The following PTCHD4 variants were observed in gnomAD, a reference collection of about 807,000 sequenced individuals.
PTCHD4 encodes patched domain-containing protein 4.
In PTCHD4, 33 loss-of-function variants were observed where a neutral mutation model predicts 58.1. The observed-to-expected ratio is 0.57, with a 90% CI of 0.43 to 0.76. The LOEUF (loss-of-function observed/expected upper bound fraction) is 0.76, where lower values mean the gene tolerates loss of function less well. PTCHD4 is among the 30% of genes least tolerant of loss of function. The probability of loss-of-function intolerance (pLI) is 0.00; values close to 1 mark genes in which losing one functional copy is unlikely to be tolerated. For missense variants in PTCHD4, 1,058 were observed against 1,027.1 expected (o/e 1.03, Z -0.41); for synonymous variants, 478 against 409.6 (o/e 1.17, Z -2.02).
intron 3 of PTCHD4, among the ~76,000 whole-genome samples, chr6:48,040,220 G>C (rs1214635890): frequency 6.6e-6 from 1 of 152,010 alleles, no homozygotes; most frequent in Admixed American, 6.6e-5. Context: ...ATCCAAGGAG[G>C]CTGATTTCCC....
Position 47,859,790 on chromosome 6 carries a change from T to G in PTCHD4, c.*18513A>C, listed in dbSNP as rs886956177. ...CTCTCTAATGCATACTTATTTAATA[T>G]TTAAGAAGAAACCAAAAAGATGTGA... On this transcript the variant is annotated 3_prime_UTR_variant, in exon 5 of 5. Transcript: ENST00000339488. Among the ~76,000 whole-genome samples the G allele has an allele frequency of 1.3e-5, 2 of 152,010 alleles. No individual in the cohort carries two copies. Among genetic ancestry groups the G allele is most frequent in the Non-Finnish European group, 2.9e-5 (2 of 67,976 alleles).
intron 1 of PTCHD4, among the ~76,000 whole-genome samples, chr6:48,073,989 A>G (rs952886396): frequency 1.3e-5 from 2 of 151,510 alleles, no homozygotes; most frequent in Admixed American, 1.3e-4. Context: ...CTATCATCTG[A>G]CCCCCTTTTG....
intron 4 of PTCHD4, among the ~76,000 whole-genome samples, chr6:47,931,441 T>A (rs1426179447): frequency 6.6e-6 from 1 of 152,088 alleles, no homozygotes; most frequent in Non-Finnish European, 1.5e-5. Context: ...TGAACGCACA[T>A]CAAAAGCCAA....
At chr6:47,935,463 A>G (rs997932313) in intron 4 of PTCHD4, among the ~76,000 whole-genome samples, 1 of 152,190 alleles carries the variant, frequency 6.6e-6, no homozygotes, top group Non-Finnish European at 1.5e-5. Context: ...GCTTTCTGCC[A>G]GTTCTCCTTT....
intron 1 of PTCHD4, among the ~76,000 whole-genome samples, chr6:48,079,117 C>CAAAAAA (rs398001467): frequency 5.5e-5 from 4 of 73,138 alleles, no homozygotes; most frequent in African/African-American, 9.5e-5. Context: ...AATTCCATCA[C>CAAAAAA]AAAAAAAAAA....
chr6:48,078,188 T>C (rs1765095189), intron 1 of PTCHD4, among the ~76,000 whole-genome samples: 1 of 152,210 alleles, frequency 6.6e-6, no homozygotes, highest in Non-Finnish European at 1.5e-5. Context: ...GGGATTCCTT[T>C]GCTAGGTTTG....
intron 3 of PTCHD4, among the ~76,000 whole-genome samples, chr6:48,013,342 C>T (rs994903272): frequency 6.7e-6 from 1 of 149,764 alleles, no homozygotes; most frequent in Non-Finnish European, 1.5e-5. Flanking sequence ...GTTACTAACT[C>T]TAAAGGAACA....
At chr6:47,969,801 AC>A (rs1767433794) in intron 4 of PTCHD4, among the ~76,000 whole-genome samples, 1 of 152,160 alleles carries the variant, frequency 6.6e-6, no homozygotes, top group South Asian at 2.1e-4. Context: ...TACAATTTAG[AC>A]TCCAGTCTTT....
In PTCHD4 at chr6:47,876,501, T is replaced by C. The variant is rs1007485029; in HGVS notation, c.*1802A>G. On this transcript the variant is annotated 3_prime_UTR_variant, in exon 5 of 5. Coordinates refer to ENST00000339488, the MANE Select transcript of PTCHD4 (RefSeq NM_001384253.1). ...GTCTAAGTATACTTGTTTTGTTACTTCATTAGTCTATCAACTTCATTTCCA... is the reference window on the plus strand; with the variant it reads ...GTCTAAGTATACTTGTTTTGTTACTCCATTAGTCTATCAACTTCATTTCCA... Among the ~76,000 whole-genome samples, 1 of 151,988 alleles carries C rather than the reference T, an allele frequency of 6.6e-6. No homozygotes were observed. Among genetic ancestry groups the C allele is most frequent in the Non-Finnish European group, 1.5e-5 (1 of 67,956 alleles).
chr6:47,858,638 C>T lies in PTCHD4; in HGVS notation c.*19665G>A, dbSNP rs1341712936. Among the ~76,000 whole-genome samples, 1 of 151,924 alleles carries T rather than the reference C, an allele frequency of 6.6e-6. No individual in the cohort carries two copies. The highest frequency in any genetic ancestry group is 1.9e-4 in the East Asian group (1 of 5,160). On this transcript the variant is annotated 3_prime_UTR_variant, in exon 5 of 5. Transcript: ENST00000339488. ...AATAAGGATAAACTAAGGCATAAAACAAAGAGCAATAAGAAATCTGAACAC... is the reference window on the plus strand; with the variant it reads ...AATAAGGATAAACTAAGGCATAAAATAAAGAGCAATAAGAAATCTGAACAC...
At chr6:48,005,249 A>G (rs1582005887) in intron 4 of PTCHD4, among the ~76,000 whole-genome samples, 1 of 152,330 alleles carries the variant, frequency 6.6e-6, no homozygotes, top group East Asian at 1.9e-4. Context: ...AGTGTGAGGA[A>G]CAAACAGTAT....
In PTCHD4 at chr6:47,862,407, T is replaced by G. The variant is rs1317775790; in HGVS notation, c.*15896A>C. On this transcript the variant is annotated 3_prime_UTR_variant, in exon 5 of 5. Coordinates refer to ENST00000339488, the MANE Select transcript of PTCHD4 (RefSeq NM_001384253.1). Reference sequence around the variant, plus strand: ...TCTCCAAGAAATAACCTTCCTGAAGTCTTTTATTCAAGATCAAAATTTTTC... The same window carrying G: ...TCTCCAAGAAATAACCTTCCTGAAGGCTTTTATTCAAGATCAAAATTTTTC... 1.3e-5 allele frequency among the ~76,000 whole-genome samples: 2 copies of G among 151,836 alleles called. No individual in the cohort carries two copies. Among genetic ancestry groups the G allele is most frequent in the Non-Finnish European group, 2.9e-5 (2 of 67,852 alleles).
chr6:47,953,083 T>TGAC (rs541672104), intron 4 of PTCHD4, among the ~76,000 whole-genome samples: 913 of 32,616 alleles, frequency 0.028, 17 homozygotes, highest in African/African-American at 0.085. Flanking sequence ...ATGAGGATGA[T>TGAC]GATGATGATG....
intron 4 of PTCHD4, among the ~76,000 whole-genome samples, chr6:47,882,875 A>G (rs1341783565): frequency 6.6e-6 from 1 of 151,152 alleles, no homozygotes; most frequent in African/African-American, 2.4e-5. Context: ...TGGATTGCAA[A>G]TTCTTCATGG....
At chr6:48,108,251 C>G (rs1233466851) in intron 1 of PTCHD4, among the ~76,000 whole-genome samples, 1 of 152,118 alleles carries the variant, frequency 6.6e-6, no homozygotes, top group African/African-American at 2.4e-5. Context: ...CACATATACA[C>G]CATGGAATAC....
rs766669954 is a variant in PTCHD4, at chr6:47,873,850, TTTTG to T, written c.*4449_*4452del. On this transcript the variant is annotated 3_prime_UTR_variant, in exon 5 of 5. Transcript: ENST00000339488. ...GTAATTGAGAAAAAGCTAAAACTTT[TTTTG>T]TTTGTTTTTTGTTTGTAAAGGGAAG... Among the ~76,000 whole-genome samples the T allele has an allele frequency of 2.0e-5, 3 of 151,730 alleles. No individual in the cohort carries two copies. Among genetic ancestry groups the T allele is most frequent in the Non-Finnish European group, 4.4e-5 (3 of 67,782 alleles).
rs1466369098 is a variant in PTCHD4, at chr6:47,861,220, T to C, written c.*17083A>G. ...TTAGGCCATCCTTCTAAATATGTCT[T>C]AGTCATTGCTGTGCTAAATAGAAGA... On this transcript the variant is annotated 3_prime_UTR_variant, in exon 5 of 5. Transcript: ENST00000339488. Among the ~76,000 whole-genome samples, 1 of 151,976 alleles carries C rather than the reference T, an allele frequency of 6.6e-6. No homozygotes were observed. Among genetic ancestry groups the C allele is most frequent in the Non-Finnish European group, 1.5e-5 (1 of 67,930 alleles).
At chr6:48,091,210 C>T (rs1765360096) in intron 1 of PTCHD4, among the ~76,000 whole-genome samples, 1 of 151,702 alleles carries the variant, frequency 6.6e-6, no homozygotes, top group South Asian at 2.1e-4. Flanking sequence ...GGCTTTTACT[C>T]TTCTTAACCT....
At chr6:48,041,193 A>C (rs1385708534) in intron 3 of PTCHD4, among the ~76,000 whole-genome samples, 2 of 152,030 alleles carry the variant, frequency 1.3e-5, no homozygotes, top group Non-Finnish European at 2.9e-5. Flanking sequence ...GTGGACCTCC[A>C]CCCAGGTGAG....
Sources: gnomAD v4.1 joint callset for allele counts (sites outside exome capture counted in the v4.1 genomes callset) on GRCh38, gnomAD v4.1.1 for gene constraint, MANE v1.5 for transcripts, NCBI Gene and HGNC (gene_info 2026-07-23, HGNC 2026-07-21) for gene names.